The following ADAMTS17 variants were observed in gnomAD, a reference collection of about 807,000 sequenced individuals.
ADAMTS17 encodes the protein ADAM metallopeptidase with thrombospondin type 1 motif 17.
A neutral mutation model predicts 141.5 loss-of-function variants in ADAMTS17; 113 were observed. The observed-to-expected ratio is 0.80, with a 90% CI of 0.69 to 0.93. The LOEUF is 0.93. ADAMTS17 is among the 40% of genes least tolerant of loss of function. ADAMTS17 has a pLI of 0.00. For synonymous variants in ADAMTS17, 768 were observed against 630.6 expected, an observed-to-expected ratio of 1.22 and a Z score of -3.27; for missense variants, 1,659 against 1,517.9, an observed-to-expected ratio of 1.09 and a Z score of -1.54.
At chr15:100,207,156 G>C (rs1321148220) in intron 7 of ADAMTS17, among the ~76,000 whole-genome samples, 2 of 152,138 alleles carry the variant, frequency 1.3e-5, no homozygotes, top group East Asian at 3.9e-4. Flanking sequence ...GATCCAACAG[G>C]TCTGGGTCCT....
At chr15:100,308,254 A>AT (rs1238454374) in intron 3 of ADAMTS17, among the ~76,000 whole-genome samples, 7 of 152,234 alleles carry the variant, frequency 4.6e-5, no homozygotes, top group Non-Finnish European at 1.0e-4. Context: ...ATTATAAAAC[A>AT]TTTTATTTTA....
At chr15:100,026,343 G>T (rs1124598) in intron 18 of ADAMTS17, among the ~76,000 whole-genome samples, 17,058 of 152,154 alleles carry the variant, frequency 0.11, 2,550 homozygotes, top group African/African-American at 0.34. Context: ...CTAGCACTGT[G>T]CTGAACATTC....
chr15:100,221,047 T>C (rs995253944), intron 7 of ADAMTS17, among the ~76,000 whole-genome samples: 2 of 152,212 alleles, frequency 1.3e-5, no homozygotes, highest in African/African-American at 4.8e-5. Flanking sequence ...AACAGCTGCC[T>C]ATACAATAAC....
At chr15:100,159,044 T>C (rs2039569090) in intron 8 of ADAMTS17, among the ~76,000 whole-genome samples, 1 of 152,094 alleles carries the variant, frequency 6.6e-6, no homozygotes, top group Non-Finnish European at 1.5e-5. Context: ...GTATAGATGC[T>C]ATGAAAAAAA....
In ADAMTS17 at chr15:100,330,926, C is replaced by G; in HGVS notation, c.579G>C (p.Glu193Asp). ...KWSLTPSPSA[E>D]AQRPEQLCKV... ...TGCAGAGCTGCTCAGGTCTCTGGGC[C>G]TCAGCAGAAGGGCTGGGGGTCAAGG... Residue 193 changes from glutamate (E) to aspartate (D), a missense_variant, in exon 3 of 22, where the codon GAG becomes GAC. Coordinates refer to ENST00000268070, the MANE Select transcript of ADAMTS17 (RefSeq NM_139057.4). 6.2e-7 allele frequency: 1 copy of G among 1,614,098 alleles called. No individual in the cohort carries two copies. The highest frequency in any genetic ancestry group is 8.5e-7 in the Non-Finnish European group (1 of 1,180,030).
chr15:100,307,252 T>G (rs1254970986), intron 3 of ADAMTS17, among the ~76,000 whole-genome samples: 3 of 152,176 alleles, frequency 2.0e-5, no homozygotes, highest in African/African-American at 7.2e-5. Context: ...GACAGAGGGA[T>G]GAGTCCAGGG....
chr15:100,196,638 A>T (rs760659046), intron 8 of ADAMTS17, among the ~76,000 whole-genome samples: 2 of 152,258 alleles, frequency 1.3e-5, no homozygotes, highest in South Asian at 4.1e-4. Context: ...CTTTCTTCAC[A>T]TAAGCTAAGG....
intron 8 of ADAMTS17, among the ~76,000 whole-genome samples, chr15:100,159,377 G>A (rs2039587144): frequency 6.6e-6 from 1 of 152,184 alleles, no homozygotes; most frequent in Admixed American, 6.5e-5. Flanking sequence ...CTTCTACCTG[G>A]TAGCTTTTTC....
At chr15:100,007,443 G>A (rs2061058416) in intron 18 of ADAMTS17, among the ~76,000 whole-genome samples, 1 of 151,722 alleles carries the variant, frequency 6.6e-6, no homozygotes, top group African/African-American at 2.4e-5. Flanking sequence ...AGACGGAGAT[G>A]GAGTTTCGCT....
At chr15:100,073,413 G>A (rs2034127858) in intron 15 of ADAMTS17, among the ~76,000 whole-genome samples, 1 of 152,094 alleles carries the variant, frequency 6.6e-6, no homozygotes, top group South Asian at 2.1e-4. Context: ...CCATTACTGG[G>A]TGTATACCCA....
chr15:100,337,745 C>A (rs2046250206), intron 2 of ADAMTS17, among the ~76,000 whole-genome samples: 1 of 152,222 alleles, frequency 6.6e-6, no homozygotes, highest in African/African-American at 2.4e-5. Context: ...CCCTCCCCTC[C>A]TCTCGTTCAC....
chr15:100,153,750 T>G (rs1213381338), intron 9 of ADAMTS17, among the ~76,000 whole-genome samples: 1 of 152,202 alleles, frequency 6.6e-6, no homozygotes, highest in Non-Finnish European at 1.5e-5. Flanking sequence ...GCAGATGGTT[T>G]AAGGCAGAAA....
chr15:100,054,017 G>C lies in ADAMTS17; in HGVS notation c.2175C>G (p.Asp725Glu), dbSNP rs776806216. 2.5e-6 allele frequency: 4 copies of C among 1,614,192 alleles called. No individual in the cohort carries two copies. The East Asian group carries it at 6.7e-5, about 27-fold the overall frequency. Residue 725 changes from aspartate to glutamate, a missense_variant, in exon 16 of 22, where the codon GAC becomes GAG. By Grantham distance (45) the Asp-to-Glu change is conservative. Coordinates refer to ENST00000268070, the MANE Select transcript of ADAMTS17 (RefSeq NM_139057.4). ...ACTCTCCGGGGAGCTCTATCTTCCA[G>C]TCACTGTTGATGGACCCCTTACCCG... ...KDSGKGSINSDWKIELPGEFQ... is the reference protein window; with the variant it reads ...KDSGKGSINSEWKIELPGEFQ...
At chr15:100,103,453 T>C (rs2141060531) in intron 14 of ADAMTS17, among the ~76,000 whole-genome samples, 1 of 152,320 alleles carries the variant, frequency 6.6e-6, no homozygotes, top group East Asian at 1.9e-4. Context: ...TCACAGATGA[T>C]CTTTGGACAG....
intron 3 of ADAMTS17, among the ~76,000 whole-genome samples, chr15:100,300,222 T>C (rs901472883): frequency 2.0e-5 from 3 of 151,916 alleles, no homozygotes; most frequent in Non-Finnish European, 4.4e-5. Context: ...GCCCCAGATG[T>C]CCCTCAAGAT....
At chr15:100,211,624 C>G (rs914270635) in intron 7 of ADAMTS17, among the ~76,000 whole-genome samples, 1 of 152,160 alleles carries the variant, frequency 6.6e-6, no homozygotes, top group Non-Finnish European at 1.5e-5. Flanking sequence ...ATTGGGCTAT[C>G]TAGCTAAATC....
intron 12 of ADAMTS17, among the ~76,000 whole-genome samples, chr15:100,122,538 A>T (rs1368072117): frequency 6.6e-6 from 1 of 152,218 alleles, no homozygotes; most frequent in East Asian, 1.9e-4. Flanking sequence ...GGGGGTTAGA[A>T]ATGCTGACCC....
intron 8 of ADAMTS17, among the ~76,000 whole-genome samples, chr15:100,160,747 T>C (rs2039652541): frequency 6.6e-6 from 1 of 152,204 alleles, no homozygotes; most frequent in South Asian, 2.1e-4. Context: ...AGTGGGATTC[T>C]TGGGTTTCTG....
At chr15:100,152,461 CGT>C (rs767518028) in intron 10 of ADAMTS17, 149 bp downstream of exon 10, 53 of 1,017,120 alleles carry the variant, frequency 5.2e-5, no homozygotes, top group Non-Finnish European at 7.5e-5. Flanking sequence ...TGTATGCAAA[CGT>C]GTGTGTGCAT....
Sources: gnomAD v4.1 joint callset for allele counts (sites outside exome capture counted in the v4.1 genomes callset) on GRCh38, gnomAD v4.1.1 for gene constraint, MANE v1.5 for transcripts, NCBI Gene and HGNC (gene_info 2026-07-23, HGNC 2026-07-21) for gene names.